Variants in SHISA9 observed in about 807,000 individuals in gnomAD.
SHISA9 encodes protein shisa-9.
A neutral mutation model predicts 38.0 loss-of-function variants in SHISA9; 13 were observed. The ratio of observed to expected loss-of-function variants is 0.34; its 90% CI spans 0.22 to 0.54. The LOEUF (loss-of-function observed/expected upper bound fraction) is 0.54. SHISA9 is among the 20% of genes least tolerant of loss of function. The pLI, the probability that SHISA9 is intolerant of heterozygous loss-of-function variation, is 0.91. For synonymous variants in SHISA9, 275 were observed against 242.0 expected, an observed-to-expected ratio of 1.14 and a Z score of -1.27; for missense variants, 538 against 575.8, an observed-to-expected ratio of 0.93 and a Z score of 0.67.
At chr16:13,283,456 G>A in the SHISA9 span, among the ~76,000 whole-genome samples, 2 of 152,078 alleles carry the variant, frequency 1.3e-5, no homozygotes, top group Non-Finnish European at 2.9e-5. Context: ...AATGGCTGGG[G>A]AGGCCTCACA....
At chr16:13,017,162 G>A (rs571437627) in intron 2 of SHISA9, among the ~76,000 whole-genome samples, 1 of 152,118 alleles carries the variant, frequency 6.6e-6, no homozygotes, top group South Asian at 2.1e-4. Flanking sequence ...TGGGATTACA[G>A]GCCCCCGCCA....
intron 2 of SHISA9, among the ~76,000 whole-genome samples, chr16:13,165,166 AT>A (rs1467891375): frequency 1.3e-5 from 2 of 151,820 alleles, no homozygotes; most frequent in Non-Finnish European, 1.5e-5. Context: ...AATTGTTCCA[AT>A]TTTTTTTATG....
intron 2 of SHISA9, among the ~76,000 whole-genome samples, chr16:12,996,210 A>G (rs979741562): frequency 8.5e-5 from 13 of 152,282 alleles, no homozygotes; most frequent in Non-Finnish European, 7.4e-5. Context: ...GAGCTACACA[A>G]TGTGTTTTTT....
intron 4 of SHISA9, among the ~76,000 whole-genome samples, 168 bp downstream of exon 4, chr16:13,213,468 T>TTG (rs140527178): frequency 7.9e-5 from 12 of 151,204 alleles, no homozygotes; most frequent in South Asian, 6.3e-4. Context: ...GTTTGTGTGT[T>TTG]TGTGTGTGTG....
the SHISA9 span, among the ~76,000 whole-genome samples, chr16:13,349,351 A>T: frequency 6.6e-6 from 1 of 152,192 alleles, no homozygotes; most frequent in Non-Finnish European, 1.5e-5. Context: ...AAATATTAAA[A>T]ACTTGCCTAA....
At chr16:13,096,585 A>G (rs1317049302) in intron 2 of SHISA9, among the ~76,000 whole-genome samples, 3 of 152,200 alleles carry the variant, frequency 2.0e-5, no homozygotes, top group African/African-American at 7.2e-5. Context: ...ATGTTTGAGT[A>G]GAATTGGAAG....
the SHISA9 span, among the ~76,000 whole-genome samples, chr16:13,298,551 G>T: frequency 6.6e-6 from 1 of 151,934 alleles, no homozygotes; most frequent in African/African-American, 2.4e-5. Context: ...AGCTTAGAGT[G>T]CTTAAGTACA....
chr16:13,134,929 G>C (rs2050335607), intron 2 of SHISA9, among the ~76,000 whole-genome samples: 3 of 152,138 alleles, frequency 2.0e-5, no homozygotes, highest in African/African-American at 7.2e-5. Context: ...GAGGGAAAAA[G>C]AGACCTGCAA....
At chr16:13,180,526 T>A (rs2050768331) in intron 2 of SHISA9, among the ~76,000 whole-genome samples, 1 of 152,094 alleles carries the variant, frequency 6.6e-6, no homozygotes, top group African/African-American at 2.4e-5. Context: ...AGTGAGACCT[T>A]GTGTCTATAA....
At chr16:12,915,612 C>T (rs1425217323) in intron 1 of SHISA9, among the ~76,000 whole-genome samples, 2 of 152,086 alleles carry the variant, frequency 1.3e-5, no homozygotes, top group Admixed American at 1.3e-4. Context: ...TTCTGATGGG[C>T]CAGTTCCTCC....
At chr16:13,435,986 G>T in the SHISA9 span, among the ~76,000 whole-genome samples, 1 of 152,186 alleles carries the variant, frequency 6.6e-6, no homozygotes, top group African/African-American at 2.4e-5. Context: ...GACCTCTGCT[G>T]TCAAAAGTCA....
At chr16:13,286,565 GA>G in the SHISA9 span, among the ~76,000 whole-genome samples, 7 of 151,632 alleles carry the variant, frequency 4.6e-5, no homozygotes, top group Admixed American at 1.3e-4. Context: ...ACAGTGATTA[GA>G]AAAAAAATTA....
chr16:13,502,421 T>A, the SHISA9 span, among the ~76,000 whole-genome samples: 1 of 152,186 alleles, frequency 6.6e-6, no homozygotes, highest in South Asian at 2.1e-4. Flanking sequence ...TAAGGCAACC[T>A]ATTAACAGAG....
At chr16:13,031,197 C>T (rs1271964815) in intron 2 of SHISA9, among the ~76,000 whole-genome samples, 1 of 152,188 alleles carries the variant, frequency 6.6e-6, no homozygotes, top group Non-Finnish European at 1.5e-5. Flanking sequence ...AACCCCTCTT[C>T]TGCCTCTGCC....
At chr16:13,230,907 T>A (rs1273272048) in intron 4 of SHISA9, among the ~76,000 whole-genome samples, 1 of 152,000 alleles carries the variant, frequency 6.6e-6, no homozygotes, top group Non-Finnish European at 1.5e-5. Flanking sequence ...CTGGTGGGAG[T>A]GTAGCAGTGA....
chr16:13,395,372 A>T, the SHISA9 span, among the ~76,000 whole-genome samples: 1 of 152,192 alleles, frequency 6.6e-6, no homozygotes, highest in African/African-American at 2.4e-5. Flanking sequence ...CCAACTTATT[A>T]TCTCATGATA....
chr16:13,290,788 G>A, the SHISA9 span, among the ~76,000 whole-genome samples: 9 of 152,106 alleles, frequency 5.9e-5, no homozygotes, highest in African/African-American at 2.2e-4. Context: ...GAACTGAAAG[G>A]GGCCTTGGGA....
At chr16:13,381,323 A>G in the SHISA9 span, among the ~76,000 whole-genome samples, 1 of 152,160 alleles carries the variant, frequency 6.6e-6, no homozygotes, top group Non-Finnish European at 1.5e-5. Context: ...TAACAAATGT[A>G]TTTGTCTGTG....
chr16:13,092,129 A>G (rs2073781226), intron 2 of SHISA9, among the ~76,000 whole-genome samples: 1 of 152,208 alleles, frequency 6.6e-6, no homozygotes, highest in Non-Finnish European at 1.5e-5. Flanking sequence ...TATCACCACC[A>G]GAGGCTGAAG....
Sources: allele counts gnomAD v4.1 joint callset (sites outside exome capture counted in the v4.1 genomes callset), GRCh38; gene constraint gnomAD v4.1.1; transcripts MANE v1.5; gene names NCBI Gene and HGNC (gene_info 2026-07-23, HGNC 2026-07-21).